The following FAM171A1 variants were observed in gnomAD, a reference collection of about 807,000 sequenced individuals.
FAM171A1 encodes protein FAM171A1.
FAM171A1 carries 23 observed loss-of-function variants against 74.9 expected under a neutral mutation model. The ratio of observed to expected loss-of-function variants is 0.31; its 90% CI spans 0.22 to 0.44. The LOEUF (loss-of-function observed/expected upper bound fraction) is 0.44. Ranked by LOEUF, FAM171A1 falls within the 20% of genes least tolerant of loss-of-function variation. The pLI is 1.00. For synonymous variants in FAM171A1, 527 were observed against 505.7 expected, an observed-to-expected ratio of 1.04 and a Z score of -0.57; for missense variants, 1,162 against 1,159.2, an observed-to-expected ratio of 1.00 and a Z score of -0.03.
intron 1 of FAM171A1, among the ~76,000 whole-genome samples, chr10:15,307,474 G>A (rs1835310541): frequency 6.6e-6 from 1 of 151,774 alleles, no homozygotes. Context: ...GTGAAACATC[G>A]TCTCTACTAA....
In FAM171A1 at chr10:15,292,738, G is replaced by A. The variant is rs536191575; in HGVS notation, c.98-8633C>T. ...CGGACTCAAGCAATCCACCCGTCTC[G>A]TCCTCCCAACATGCTGGGATTACAG... On this transcript the variant is annotated intron_variant, in intron 1 of 7. Coordinates refer to ENST00000378116, the MANE Select transcript of FAM171A1 (RefSeq NM_001010924.2). 6.6e-5 allele frequency among the ~76,000 whole-genome samples: 10 copies of A among 152,058 alleles called. No homozygotes were observed. In the South Asian group the frequency reaches 1.7e-3, roughly 25 times the overall value.
At chr10:15,215,814 T>C (rs985213098) in intron 7 of FAM171A1, among the ~76,000 whole-genome samples, 182 bp downstream of exon 7, 4 of 152,136 alleles carry the variant, frequency 2.6e-5, no homozygotes, top group African/African-American at 9.7e-5. Flanking sequence ...GCTTTACACA[T>C]ACTATTTGTT....
At chr10:15,270,163 C>T (rs2090521) in intron 3 of FAM171A1, among the ~76,000 whole-genome samples, 39,307 of 152,048 alleles carry the variant, frequency 0.26, 5,320 homozygotes, top group Admixed American at 0.4. Context: ...CCTGGAAAAT[C>T]GGGACACTCC....
At chr10:15,359,327 G>A (rs1835967190) in intron 1 of FAM171A1, among the ~76,000 whole-genome samples, 1 of 152,194 alleles carries the variant, frequency 6.6e-6, no homozygotes, top group Non-Finnish European at 1.5e-5. Flanking sequence ...CAGCTTTCAG[G>A]ATTGCAGAAG....
At chr10:15,274,463 A>G (rs535125272) in intron 3 of FAM171A1, among the ~76,000 whole-genome samples, 1 of 152,356 alleles carries the variant, frequency 6.6e-6, no homozygotes, top group South Asian at 2.1e-4. Flanking sequence ...ATACTGCCCA[A>G]GGTAATTTAT....
At chr10:15,346,017 G>C (rs1046132153) in intron 1 of FAM171A1, among the ~76,000 whole-genome samples, 4 of 152,206 alleles carry the variant, frequency 2.6e-5, no homozygotes, top group Non-Finnish European at 5.9e-5. Flanking sequence ...CAAAGGGAAA[G>C]ATTGTATAGA....
intron 1 of FAM171A1, among the ~76,000 whole-genome samples, chr10:15,358,424 A>C (rs1283767850): frequency 1.3e-5 from 2 of 152,232 alleles, no homozygotes; most frequent in Non-Finnish European, 2.9e-5. Context: ...TGCTATATGA[A>C]TCCAATCATA....
intron 1 of FAM171A1, among the ~76,000 whole-genome samples, chr10:15,321,242 G>A (rs1330715408): frequency 6.6e-6 from 1 of 152,194 alleles, no homozygotes; most frequent in Non-Finnish European, 1.5e-5. Flanking sequence ...GAGAATTTCT[G>A]TTTAGGTAAG....
intron 1 of FAM171A1, among the ~76,000 whole-genome samples, chr10:15,352,427 A>G (rs1835890770): frequency 6.6e-6 from 1 of 152,214 alleles, no homozygotes; most frequent in African/African-American, 2.4e-5. Context: ...GAGTGCACAT[A>G]AAAAATACCA....
At chr10:15,276,099 A>G (rs1834890637) in intron 2 of FAM171A1, 152 bp from the exon 3 acceptor site, 1 of 562,562 alleles carries the variant, frequency 1.8e-6, no homozygotes, top group African/African-American at 1.9e-5. Context: ...AGACCTTCAA[A>G]ATGCTACAAG....
rs182556260 is a variant in FAM171A1, at chr10:15,287,073, C to T, written c.98-2968G>A. Among the ~76,000 whole-genome samples the T allele has an allele frequency of 2.7e-3, 407 of 151,066 alleles. 3 individuals carry two copies. The highest frequency in any genetic ancestry group is 9.1e-3 in the African/African-American group (376 of 41,172). On this transcript the variant is annotated intron_variant, in intron 1 of 7. Coordinates refer to ENST00000378116, the MANE Select transcript of FAM171A1 (RefSeq NM_001010924.2). Reference sequence around the variant, plus strand: ...CCAATCAGGATGTGCACGACACATACACACACATTTTCTTCTTCTTTTTTT... The same window carrying T: ...CCAATCAGGATGTGCACGACACATATACACACATTTTCTTCTTCTTTTTTT...
At chr10:15,235,492 A>C (rs1453840431) in intron 5 of FAM171A1, among the ~76,000 whole-genome samples, 1 of 152,086 alleles carries the variant, frequency 6.6e-6, no homozygotes, top group Non-Finnish European at 1.5e-5. Context: ...CTATGATTCA[A>C]TTCTTCCACT....
At chr10:15,226,285 C>A (rs1834106488) in intron 5 of FAM171A1, among the ~76,000 whole-genome samples, 1 of 152,306 alleles carries the variant, frequency 6.6e-6, no homozygotes, top group Admixed American at 6.5e-5. Flanking sequence ...ACGCCTATGG[C>A]TGGGCCTGTT....
chr10:15,260,355 T>C (rs1337515071), intron 3 of FAM171A1, among the ~76,000 whole-genome samples: 3 of 152,220 alleles, frequency 2.0e-5, no homozygotes, highest in African/African-American at 7.2e-5. Flanking sequence ...CATGAGAACA[T>C]GGGTGGTGGA....
intron 1 of FAM171A1, among the ~76,000 whole-genome samples, chr10:15,302,608 G>A (rs1835245202): frequency 6.6e-6 from 1 of 150,744 alleles, no homozygotes; most frequent in Admixed American, 6.6e-5. Flanking sequence ...TCCTCTCCAA[G>A]CATTAGTGAG....
chr10:15,307,966 G>T (rs1481872983), intron 1 of FAM171A1, among the ~76,000 whole-genome samples: 2 of 151,946 alleles, frequency 1.3e-5, no homozygotes, highest in Non-Finnish European at 2.9e-5. Context: ...ACCATACTGG[G>T]CTCATTTTTT....
rs944054722 is a variant in FAM171A1 at position 15,342,142 on chromosome 10, G to A, written c.97+28814C>T. On this transcript the variant is annotated intron_variant, in intron 1 of 7. Coordinates refer to ENST00000378116, the MANE Select transcript of FAM171A1 (RefSeq NM_001010924.2). ...GGGCTACAAACCCTAAGCAATCTAC[G>A]GGCAAGCCATCCTGAGAGTCGTTTC... Among the ~76,000 whole-genome samples, 13 of 152,166 alleles carry A rather than the reference G, an allele frequency of 8.5e-5. No individual in the cohort carries two copies. The East Asian group carries it at 1.7e-3, about 20-fold the overall frequency.
At chr10:15,338,135 T>C (rs1390353452) in intron 1 of FAM171A1, among the ~76,000 whole-genome samples, 2 of 152,172 alleles carry the variant, frequency 1.3e-5, no homozygotes, top group African/African-American at 4.8e-5. Context: ...CTGCTCAAAG[T>C]TTTAGAGCTA....
rs59843893 is a variant in FAM171A1, at chr10:15,305,664, T to TAAAAAAA, written c.98-21566_98-21560dup. On this transcript the variant is annotated intron_variant, in intron 1 of 7. Coordinates refer to ENST00000378116, the MANE Select transcript of FAM171A1 (RefSeq NM_001010924.2). Reference sequence around the variant, plus strand: ...CCTGGGTGACAGAGTGAGATCTGGCTAAAAAAAAAAAAAAAAAAAAAAAAG... The same window carrying TAAAAAAA: ...CCTGGGTGACAGAGTGAGATCTGGCTAAAAAAAAAAAAAAAAAAAAAAAAAAAAAAAG... Among the ~76,000 whole-genome samples the TAAAAAAA allele has an allele frequency of 4.5e-4, 24 of 52,928 alleles. 4 individuals are homozygous for TAAAAAAA. The highest frequency in any genetic ancestry group is 6.2e-4 in the Non-Finnish European group (19 of 30,774). 34.7% of individuals were successfully genotyped at this position (52,928 alleles called of 152,430 possible).
Sources: gnomAD v4.1 joint callset for allele counts (sites outside exome capture counted in the v4.1 genomes callset) on GRCh38, gnomAD v4.1.1 for gene constraint, MANE v1.5 for transcripts, NCBI Gene and HGNC (gene_info 2026-07-23, HGNC 2026-07-21) for gene names.